The following WDPCP variants were observed in gnomAD, a reference collection of about 807,000 sequenced individuals.
WDPCP encodes the protein WD repeat-containing and planar cell polarity effector protein fritz homolog.
A neutral mutation model predicts 93.1 loss-of-function variants in WDPCP; 71 were observed. The ratio of observed to expected loss-of-function variants is 0.76; its 90% confidence interval spans 0.63 to 0.93. The LOEUF is 0.93. Among genes scored for constraint, WDPCP ranks in the 40% least tolerant of loss-of-function variants. WDPCP has a pLI of 0.00. For missense variants in WDPCP, 844 were observed against 887.4 expected (o/e 0.95, Z 0.62); for synonymous variants, 315 against 315.0 (o/e 1.00, Z 0.00).
chr2:63,445,553 C>T (rs1029828451), intron 6 of WDPCP, among the ~76,000 whole-genome samples: 2 of 151,798 alleles, frequency 1.3e-5, no homozygotes, highest in African/African-American at 4.8e-5. Context: ...AGTATTTGAC[C>T]ACAGAAACAT....
At chr2:63,554,040 A>G (rs72806023) in intron 1 of WDPCP, among the ~76,000 whole-genome samples, 1 of 152,208 alleles carries the variant, frequency 6.6e-6, no homozygotes, top group African/African-American at 2.4e-5. Context: ...CATTTAAACC[A>G]GAGACCAAAT....
Position 63,491,615 on chromosome 2 carries a change from G to A in WDPCP, c.160+1241C>T, listed in dbSNP as rs1700884920. The stretch of plus-strand genomic sequence containing the variant: ...CAGTATGTAGGCTTCCTTCCATTTC[G>A]TGCCTGTTTTCAGTTCAGCAGGTCG... On this transcript the variant is annotated intron_variant, in intron 2 of 17. Coordinates refer to ENST00000272321, the MANE Select transcript of WDPCP (RefSeq NM_015910.7). Among the ~76,000 whole-genome samples the A allele has an allele frequency of 2.0e-5, 3 of 152,106 alleles. No individual in the cohort carries two copies. In the East Asian group the frequency reaches 5.8e-4, roughly 29 times the overall value.
chr2:63,299,776 A>C (rs1280445362), intron 13 of WDPCP, among the ~76,000 whole-genome samples: 3 of 152,180 alleles, frequency 2.0e-5, no homozygotes, highest in African/African-American at 7.2e-5. Flanking sequence ...GTTAAGAAGA[A>C]ATCCCTTAGG....
chr2:63,670,462 T>G (rs992489331), intron 2 of WDPCP, among the ~76,000 whole-genome samples: 1 of 152,076 alleles, frequency 6.6e-6, no homozygotes, highest in East Asian at 1.9e-4. Flanking sequence ...CCAAGTACAT[T>G]GGGAAAGGTG....
chr2:63,412,324 C>G (rs536848476), intron 9 of WDPCP, among the ~76,000 whole-genome samples: 142 of 152,094 alleles, frequency 9.3e-4, no homozygotes, highest in Non-Finnish European at 1.7e-3. Context: ...TGACAAAATC[C>G]AGCACCCCTT....
At chr2:63,230,416 A>G (rs1678753605) in intron 14 of WDPCP, among the ~76,000 whole-genome samples, 1 of 152,146 alleles carries the variant, frequency 6.6e-6, no homozygotes, top group South Asian at 2.1e-4. Flanking sequence ...GTGTCTTTAT[A>G]GCAGCAATGA....
chr2:63,594,383 A>G, intron 3 of WDPCP: 1 of 905,092 alleles, frequency 1.1e-6, no homozygotes, highest in Non-Finnish European at 1.9e-6. Context: ...TTAAAATTTT[A>G]CATTCACTTT....
chr2:63,205,876 T>C (rs1676300247), intron 14 of WDPCP, among the ~76,000 whole-genome samples: 1 of 152,230 alleles, frequency 6.6e-6, no homozygotes, highest in Non-Finnish European at 1.5e-5. Context: ...GTAACAGTGG[T>C]GAAAGCGGGC....
intron 1 of WDPCP, among the ~76,000 whole-genome samples, chr2:63,565,732 G>T (rs1706992303): frequency 1.3e-5 from 2 of 152,032 alleles, no homozygotes; most frequent in Admixed American, 1.3e-4. Flanking sequence ...TATATTATAG[G>T]TTATATAACT....
At chr2:63,503,168 T>C (rs934757314) in intron 1 of WDPCP, among the ~76,000 whole-genome samples, 76 of 152,344 alleles carry the variant, frequency 5.0e-4, no homozygotes, top group African/African-American at 1.8e-3. Flanking sequence ...TTTAACATTT[T>C]CCGTATTATA....
chr2:63,796,718 C>A (rs1575775506), intron 2 of WDPCP, among the ~76,000 whole-genome samples: 1 of 152,222 alleles, frequency 6.6e-6, no homozygotes, highest in Non-Finnish European at 1.5e-5. Context: ...GTTCTTACTA[C>A]CACAGGATAA....
intron 1 of WDPCP, among the ~76,000 whole-genome samples, chr2:63,547,556 T>TATAA (rs139046430): frequency 2.1e-4 from 1 of 4,774 alleles, no homozygotes; most frequent in Non-Finnish European, 2.7e-4. Flanking sequence ...GTGGTATGTA[T>TATAA]ACACACACAC....
chr2:63,782,298 C>A (rs778829208), intron 2 of WDPCP, among the ~76,000 whole-genome samples: 8 of 151,950 alleles, frequency 5.3e-5, no homozygotes, highest in Non-Finnish European at 1.0e-4. Context: ...AGCAACAAAA[C>A]CAAAAATAGA....
intron 9 of WDPCP, among the ~76,000 whole-genome samples, chr2:63,407,599 T>A (rs1338610858): frequency 6.6e-6 from 1 of 152,230 alleles, no homozygotes; most frequent in Non-Finnish European, 1.5e-5. Context: ...ACACTCTGTT[T>A]GTCCTACCAA....
chr2:63,795,981 A>G (rs1220769604), intron 2 of WDPCP, among the ~76,000 whole-genome samples: 3 of 152,222 alleles, frequency 2.0e-5, no homozygotes, highest in Non-Finnish European at 4.4e-5. Flanking sequence ...GTCTAGACCA[A>G]TCATGATTCT....
intron 2 of WDPCP, among the ~76,000 whole-genome samples, chr2:63,789,335 A>G (rs1670512363): frequency 6.6e-6 from 1 of 152,112 alleles, no homozygotes; most frequent in African/African-American, 2.4e-5. Flanking sequence ...AGGGCCCCCA[A>G]ATTAATAATC....
Position 63,575,409 on chromosome 2 carries a change from A to T in WDPCP, c.75+12788T>A, listed in dbSNP as rs866515406. On this transcript the variant is annotated intron_variant, in intron 1 of 17. Transcript: ENST00000272321. ...TACACGGTATATACAGTATATATAC[A>T]GTATATACACTGTATACAGTGTATA... Among the ~76,000 whole-genome samples the T allele has an allele frequency of 3.0e-3, 225 of 75,548 alleles. 16 individuals carry two copies. Among genetic ancestry groups the T allele is most frequent in the African/African-American group, 0.011 (138 of 12,438 alleles). 49.6% of individuals were successfully genotyped at this position (75,548 alleles called of 152,430 possible).
chr2:63,330,064 C>G (rs1687864523), intron 12 of WDPCP, among the ~76,000 whole-genome samples: 1 of 152,162 alleles, frequency 6.6e-6, no homozygotes, highest in East Asian at 1.9e-4. Context: ...GTATAGATGT[C>G]TCTTCAAGAT....
In WDPCP at chr2:63,335,923, G is replaced by A. The variant is rs192432964; in HGVS notation, c.1749-22612C>T. ...CCAAAACCAAAATGGCAACGAGAGC[G>A]ACCTCTGGTCATCCTCATTGCTACA... On this transcript the variant is annotated intron_variant, in intron 12 of 17. Coordinates refer to ENST00000272321, the MANE Select transcript of WDPCP (RefSeq NM_015910.7). Among the ~76,000 whole-genome samples the A allele has an allele frequency of 1.7e-3, 261 of 152,264 alleles. 1 individual carries two copies. The highest frequency in any genetic ancestry group is 3.0e-3 in the Non-Finnish European group (206 of 68,002).
Sources: allele counts gnomAD v4.1 joint callset (sites outside exome capture counted in the v4.1 genomes callset), GRCh38; gene constraint gnomAD v4.1.1; transcripts MANE v1.5; gene names NCBI Gene and HGNC (gene_info 2026-07-23, HGNC 2026-07-21).